CDH18: variants seen among roughly 807,000 people sequenced by gnomAD.
CDH18 encodes the protein cadherin-18.
In CDH18, 31 loss-of-function variants were observed where a neutral mutation model predicts 67.9. That is an observed-to-expected ratio of 0.46 (90% CI 0.34 to 0.62). The LOEUF (loss-of-function observed/expected upper bound fraction) is 0.62. Ranked by LOEUF, CDH18 falls within the 20% of genes least tolerant of loss-of-function variation. The pLI, the probability that CDH18 is intolerant of heterozygous loss-of-function variation, is 0.01. For missense variants in CDH18, 890 were observed against 975.5 expected, an observed-to-expected ratio of 0.91 and a Z score of 1.17; for synonymous variants, 362 against 347.2, an observed-to-expected ratio of 1.04 and a Z score of -0.48.
At chr5:19,748,820 A>T (rs1183518066) in intron 3 of CDH18, among the ~76,000 whole-genome samples, 1 of 152,154 alleles carries the variant, frequency 6.6e-6, no homozygotes, top group African/African-American at 2.4e-5. Flanking sequence ...CTGAAACATA[A>T]ATGATAGTAT....
chr5:20,365,089 G>C (rs1028527227), intron 1 of CDH18, among the ~76,000 whole-genome samples: 2 of 152,152 alleles, frequency 1.3e-5, no homozygotes, highest in African/African-American at 4.8e-5. Context: ...TCACAGACCG[G>C]ATGATTTAAA....
chr5:19,723,401 C>T (rs923651958), intron 4 of CDH18, among the ~76,000 whole-genome samples: 24 of 152,114 alleles, frequency 1.6e-4, no homozygotes, highest in African/African-American at 5.1e-4. Context: ...TCCTTATTAG[C>T]ATATCATAAA....
chr5:20,158,898 T>C (rs966126115), intron 2 of CDH18: 2 of 197,330 alleles, frequency 1.0e-5, no homozygotes, highest in African/African-American at 4.7e-5. Context: ...GCAAAAGCTT[T>C]TAGTCTCTCT....
chr5:19,903,030 T>A (rs1790114491), intron 2 of CDH18, among the ~76,000 whole-genome samples: 1 of 151,900 alleles, frequency 6.6e-6, no homozygotes, highest in African/African-American at 2.4e-5. Context: ...AAATACATTA[T>A]TTAATTTAAA....
intron 1 of CDH18, among the ~76,000 whole-genome samples, chr5:20,328,675 T>C (rs971939049): frequency 2.0e-5 from 3 of 152,198 alleles, no homozygotes; most frequent in South Asian, 2.1e-4. Context: ...CTCTACTCCA[T>C]TGAGACCTGC....
intron 4 of CDH18, among the ~76,000 whole-genome samples, chr5:19,728,531 C>T (rs1318999172): frequency 1.3e-5 from 2 of 152,026 alleles, no homozygotes; most frequent in Non-Finnish European, 1.5e-5. Flanking sequence ...TCATTCTTTT[C>T]GTTTGTTTTT....
intron 5 of CDH18, among the ~76,000 whole-genome samples, chr5:19,620,045 CT>C (rs1206650510): frequency 6.6e-6 from 1 of 152,066 alleles, no homozygotes; most frequent in African/African-American, 2.4e-5. Flanking sequence ...CTTAAAATTT[CT>C]CCTAAAACAC....
At chr5:19,814,526 T>C (rs1376408267) in intron 3 of CDH18, among the ~76,000 whole-genome samples, 2 of 149,286 alleles carry the variant, frequency 1.3e-5, no homozygotes, top group Non-Finnish European at 3.0e-5. Context: ...ACAAACTACA[T>C]ACCAGGAGCA....
chr5:20,551,356 C>G (rs185663498), intron 1 of CDH18, among the ~76,000 whole-genome samples: 1 of 152,120 alleles, frequency 6.6e-6, no homozygotes, highest in African/African-American at 2.4e-5. Flanking sequence ...CCACTGACCA[C>G]GTTTTTACTT....
intron 2 of CDH18, among the ~76,000 whole-genome samples, chr5:19,966,362 T>C (rs564709137): frequency 4.9e-4 from 75 of 152,244 alleles, no homozygotes; most frequent in Non-Finnish European, 9.9e-4. Flanking sequence ...ACTAAAAGTA[T>C]GAAGGCCTGA....
At chr5:20,109,290 A>G (rs1747247832) in intron 2 of CDH18, among the ~76,000 whole-genome samples, 1 of 152,230 alleles carries the variant, frequency 6.6e-6, no homozygotes, top group Non-Finnish European at 1.5e-5. Context: ...TCCTTCTGAG[A>G]AAATGCTCTG....
intron 5 of CDH18, among the ~76,000 whole-genome samples, chr5:19,665,501 T>G (rs1757782148): frequency 6.6e-6 from 1 of 152,108 alleles, no homozygotes; most frequent in South Asian, 2.1e-4. Context: ...TCGTGTTGGT[T>G]AGACAGTATT....
chr5:19,700,114 G>T (rs879848828), intron 5 of CDH18, among the ~76,000 whole-genome samples: 2 of 152,060 alleles, frequency 1.3e-5, no homozygotes, highest in Non-Finnish European at 2.9e-5. Context: ...TTTTTGTAAA[G>T]TAGCAATCAT....
At chr5:19,548,304 T>TAA (rs3036706) in intron 8 of CDH18, among the ~76,000 whole-genome samples, 3 of 149,010 alleles carry the variant, frequency 2.0e-5, no homozygotes, top group East Asian at 2.0e-4. Context: ...GATTTTAAAT[T>TAA]AAAAAAAAAA....
At chr5:20,238,207 G>C (rs1304707000) in intron 2 of CDH18, among the ~76,000 whole-genome samples, 1 of 151,988 alleles carries the variant, frequency 6.6e-6, no homozygotes, top group Non-Finnish European at 1.5e-5. Flanking sequence ...GTGATCTTGG[G>C]TGAAGCAAAG....
At chr5:19,618,515 T>A (rs1018172596) in intron 5 of CDH18, among the ~76,000 whole-genome samples, 1 of 152,250 alleles carries the variant, frequency 6.6e-6, no homozygotes, top group African/African-American at 2.4e-5. Context: ...CTACTTTTGG[T>A]TCTTTTTCTT....
chr5:20,426,480 C>T (rs867204961), intron 1 of CDH18, among the ~76,000 whole-genome samples: 4 of 151,172 alleles, frequency 2.6e-5, no homozygotes, highest in South Asian at 2.1e-4. Flanking sequence ...TTTTTCTCAA[C>T]AAAAACTTTT....
intron 3 of CDH18, among the ~76,000 whole-genome samples, chr5:19,808,591 C>T (rs558699526): frequency 3.9e-5 from 6 of 151,916 alleles, no homozygotes; most frequent in South Asian, 2.1e-4. Flanking sequence ...TTAGGGAGGC[C>T]GAGGTGGGTG....
chr5:19,654,151 C>T (rs79583728), intron 5 of CDH18, among the ~76,000 whole-genome samples: 6 of 152,232 alleles, frequency 3.9e-5, no homozygotes, highest in East Asian at 1.9e-4. Flanking sequence ...ATGGGACTCA[C>T]GTACAGCCCT....
Sources: gnomAD v4.1 joint callset for allele counts (sites outside exome capture counted in the v4.1 genomes callset) on GRCh38, gnomAD v4.1.1 for gene constraint, MANE v1.5 for transcripts, NCBI Gene and HGNC (gene_info 2026-07-23, HGNC 2026-07-21) for gene names.